SPHKAP: variants seen among roughly 807,000 people sequenced by gnomAD.
SPHKAP encodes A-kinase anchor protein SPHKAP.
Under a neutral mutation model 137.5 loss-of-function variants are expected in SPHKAP, and 67 were observed. The ratio of observed to expected loss-of-function variants is 0.49; its 90% CI spans 0.40 to 0.60. The LOEUF (loss-of-function observed/expected upper bound fraction) is 0.60, where lower values mean the gene tolerates loss of function less well. Ranked by LOEUF, SPHKAP falls within the 20% of genes least tolerant of loss-of-function variation. SPHKAP has a pLI of 0.00. For missense variants in SPHKAP, 2,097 were observed against 2,069.3 expected, an observed-to-expected ratio of 1.01 and a Z score of -0.26; for synonymous variants, 813 against 785.3, an observed-to-expected ratio of 1.04 and a Z score of -0.59.
intron 1 of SPHKAP, among the ~76,000 whole-genome samples, chr2:228,142,670 T>C (rs1699642433): frequency 6.6e-6 from 1 of 151,806 alleles, no homozygotes; most frequent in African/African-American, 2.4e-5. Flanking sequence ...GACACCTAGA[T>C]GAGGACAACA....
chr2:228,003,853 C>G (rs767348561), intron 7 of SPHKAP, among the ~76,000 whole-genome samples: 1 of 152,074 alleles, frequency 6.6e-6, no homozygotes, highest in Admixed American at 6.6e-5. Context: ...TGTTTACATA[C>G]CTGATTACAT....
At chr2:228,100,703 T>A (rs1015841435) in intron 3 of SPHKAP, among the ~76,000 whole-genome samples, 4 of 152,220 alleles carry the variant, frequency 2.6e-5, no homozygotes, top group Non-Finnish European at 4.4e-5. Flanking sequence ...TACTTGATAG[T>A]AGTGAATCAA....
intron 3 of SPHKAP, among the ~76,000 whole-genome samples, chr2:228,033,635 C>T (rs1346777519): frequency 6.6e-6 from 1 of 152,170 alleles, no homozygotes; most frequent in Non-Finnish European, 1.5e-5. Context: ...GGAAGTAAAG[C>T]ATTCCTCAGC....
At position 228,077,589 on chromosome 2, in the gene SPHKAP, A is replaced by G. The variant is rs373652252; in HGVS notation, c.246+31243T>C. Among the ~76,000 whole-genome samples, 224 of 152,342 alleles carry G rather than the reference A, an allele frequency of 1.5e-3. 1 individual carries two copies. Among genetic ancestry groups the G allele is most frequent in the South Asian group, 9.1e-3 (44 of 4,830 alleles). On this transcript the variant is annotated intron_variant, in intron 3 of 11. Coordinates refer to ENST00000392056, the MANE Select transcript of SPHKAP (RefSeq NM_001142644.2). ...TTTTGGCCAATTTCTCCAGTTTGGA[A>G]TGGCAGTATTTACCCAGTGGCTGTA... is the stretch of plus-strand genomic sequence containing the variant.
intron 3 of SPHKAP, among the ~76,000 whole-genome samples, chr2:228,090,706 G>A (rs183147028): frequency 1.3e-5 from 2 of 152,230 alleles, no homozygotes; most frequent in Admixed American, 6.5e-5. Context: ...GATGATGAGT[G>A]AGTTCAAGTT....
chr2:228,015,679 T>C (rs1694554484), intron 7 of SPHKAP, among the ~76,000 whole-genome samples: 1 of 152,166 alleles, frequency 6.6e-6, no homozygotes, highest in South Asian at 2.1e-4. Context: ...AAAAGCTGTT[T>C]AAATAACAAT....
chr2:228,038,023 G>A (rs552015721), intron 3 of SPHKAP, among the ~76,000 whole-genome samples: 2 of 152,340 alleles, frequency 1.3e-5, no homozygotes, highest in South Asian at 4.1e-4. Context: ...GGGGAGTGGT[G>A]AGCCTGGATT....
At chr2:228,046,737 A>G (rs1266037572) in intron 3 of SPHKAP, among the ~76,000 whole-genome samples, 4 of 152,150 alleles carry the variant, frequency 2.6e-5, no homozygotes, top group Non-Finnish European at 4.4e-5. Context: ...ATATCATTCT[A>G]TTTTCCTGTC....
chr2:228,022,294 A>G (rs1694870176), intron 5 of SPHKAP: 1 of 594,536 alleles, frequency 1.7e-6, no homozygotes, highest in South Asian at 7.4e-5. Context: ...TAAAATAGGG[A>G]AGAGAGGCCA....
chr2:228,123,741 G>T (rs892330394), intron 2 of SPHKAP, among the ~76,000 whole-genome samples: 5 of 152,102 alleles, frequency 3.3e-5, no homozygotes, highest in Non-Finnish European at 5.9e-5. Context: ...AGTTTAATTA[G>T]ATCCCATTCG....
intron 1 of SPHKAP, among the ~76,000 whole-genome samples, chr2:228,155,380 G>A (rs1284415943): frequency 6.6e-6 from 1 of 152,082 alleles, no homozygotes; most frequent in Non-Finnish European, 1.5e-5. Flanking sequence ...GCAACCTGAA[G>A]CATTATGCTC....
chr2:227,993,653 G>A (rs751536018), intron 8 of SPHKAP, 33 bp from the exon 9 acceptor site: 44 of 1,520,710 alleles, frequency 2.9e-5, no homozygotes, highest in African/African-American at 9.6e-5. Context: ...ATTAATGCCC[G>A]TCTCCACCCT....
chr2:228,043,265 G>A (rs61490048), intron 3 of SPHKAP, among the ~76,000 whole-genome samples: 58,061 of 152,030 alleles, frequency 0.38, 11,547 homozygotes, highest in South Asian at 0.51. Flanking sequence ...CACAATGTAT[G>A]AAAGGATATA....
chr2:227,990,722 A>G (rs1441970919), intron 11 of SPHKAP, among the ~76,000 whole-genome samples: 2 of 152,178 alleles, frequency 1.3e-5, no homozygotes, highest in African/African-American at 4.8e-5. Flanking sequence ...AGAGCAAGAA[A>G]ACACCAAAAA....
intron 1 of SPHKAP, chr2:228,169,601 C>T (rs959980025): frequency 2.0e-5 from 3 of 151,924 alleles, no homozygotes; most frequent in Admixed American, 6.6e-5. Flanking sequence ...TGACAATGTA[C>T]CTTGTCACCC....
chr2:228,101,028 T>C (rs1698169251), intron 3 of SPHKAP, among the ~76,000 whole-genome samples: 1 of 152,202 alleles, frequency 6.6e-6, no homozygotes, highest in Admixed American at 6.5e-5. Context: ...TTCTCCCTGG[T>C]TGGCTGATCT....
intron 2 of SPHKAP, among the ~76,000 whole-genome samples, chr2:228,128,588 T>G (rs997633418): frequency 1.3e-5 from 2 of 152,222 alleles, no homozygotes; most frequent in Admixed American, 1.3e-4. Context: ...GAAGATTTTC[T>G]ATCTACTTTG....
chr2:228,058,578 C>T, intron 3 of SPHKAP, among the ~76,000 whole-genome samples: 1 of 152,086 alleles, frequency 6.6e-6, no homozygotes, highest in East Asian at 1.9e-4. Flanking sequence ...TACCTGTGCC[C>T]CGCTCCCCGT....
intron 1 of SPHKAP, among the ~76,000 whole-genome samples, chr2:228,177,742 G>A (rs1004579421): frequency 7.9e-5 from 12 of 152,112 alleles, no homozygotes; most frequent in African/African-American, 2.9e-4. Flanking sequence ...GAGTTTTAGT[G>A]AAATGTGTCT....
Sources: allele counts gnomAD v4.1 joint callset (sites outside exome capture counted in the v4.1 genomes callset), GRCh38; gene constraint gnomAD v4.1.1; transcripts MANE v1.5; gene names NCBI Gene and HGNC (gene_info 2026-07-23, HGNC 2026-07-21).